FAT4: variants seen among roughly 807,000 people sequenced by gnomAD.
FAT4 encodes FAT atypical cadherin 4.
In FAT4, 84 loss-of-function variants were observed where a neutral mutation model predicts 303.9. The observed-to-expected ratio is 0.28, with a 90% CI of 0.23 to 0.33. The LOEUF is 0.33. FAT4 is among the 10% of genes least tolerant of loss of function. The pLI is 1.00. For synonymous variants in FAT4, 2,307 were observed against 2,298.8 expected (o/e 1.00, Z -0.10); for missense variants, 6,005 against 6,146.8 (o/e 0.98, Z 0.77).
At chr4:125,378,887 G>A (rs1004999992) in intron 2 of FAT4, among the ~76,000 whole-genome samples, 1 of 152,088 alleles carries the variant, frequency 6.6e-6, no homozygotes, top group Non-Finnish European at 1.5e-5. Context: ...AATTCCACTG[G>A]CTATGGAGTA....
rs186313518 is a variant in FAT4, at chr4:125,315,921, C to G, written c.-69C>G. ...CTCCCGGTTCCCCACCACCCCTTCC[C>G]CGGTGCGCAGTTGTGCTTGGACGTT... On this transcript the variant is annotated 5_prime_UTR_variant, in exon 1 of 18. Coordinates refer to ENST00000394329, the MANE Select transcript of FAT4 (RefSeq NM_001291303.3). Among the ~76,000 whole-genome samples, 1 of 152,278 alleles carries G rather than the reference C, an allele frequency of 6.6e-6. No homozygotes were observed. The highest frequency in any genetic ancestry group is 6.5e-5 in the Admixed American group (1 of 15,304).
intron 10 of FAT4, among the ~76,000 whole-genome samples, chr4:125,454,045 T>C (rs1490808241): frequency 6.6e-6 from 1 of 152,186 alleles, no homozygotes; most frequent in Non-Finnish European, 1.5e-5. Flanking sequence ...TCTTATAACT[T>C]GCACATTATA....
intron 2 of FAT4, among the ~76,000 whole-genome samples, chr4:125,334,479 C>T: frequency 6.6e-6 from 1 of 152,110 alleles, no homozygotes; most frequent in Non-Finnish European, 1.5e-5. Flanking sequence ...AAATTGCTTC[C>T]TATCAGGTGC....
chr4:125,492,523 C>A lies in FAT4; in HGVS notation c.*755C>A, dbSNP rs965785588. The A allele has an allele frequency of 7.2e-5, 11 of 152,168 alleles. 1 individual carries two copies. The highest frequency in any genetic ancestry group is 5.9e-4 in the Admixed American group (9 of 15,262). The allele number at this position is 152,168 out of a possible 1,614,324, so 9.4% of individuals were successfully genotyped here. A position where few individuals can be genotyped will look rare whatever the true frequency, so the allele number is the denominator to read the frequency against. On this transcript the variant is annotated 3_prime_UTR_variant, in exon 18 of 18. Transcript: ENST00000394329. ...TGTTCTCAGCAGCACTTCTAAGAAA[C>A]ACTCTTAAAAGTTATTTATTGAAAA...
At chr4:125,447,288 T>C (rs1198519633) in intron 9 of FAT4, among the ~76,000 whole-genome samples, 2 of 152,118 alleles carry the variant, frequency 1.3e-5, no homozygotes, top group Non-Finnish European at 2.9e-5. Context: ...TTAATCTTCC[T>C]TGCTCGGAAA....
chr4:125,318,698 A>G lies in FAT4; in HGVS notation c.2287A>G (p.Ile763Val), dbSNP rs774554680. 1.9e-5 allele frequency: 31 copies of G among 1,614,010 alleles called. No individual in the cohort carries two copies. The highest frequency in any genetic ancestry group is 2.5e-5 in the Non-Finnish European group (30 of 1,180,012). Residue 763 changes from isoleucine (I) to valine (V), a missense_variant, in exon 2 of 18, where the codon ATA becomes GTA. By Grantham distance (29) the Ile-to-Val change is conservative. Coordinates refer to ENST00000394329, the MANE Select transcript of FAT4 (RefSeq NM_001291303.3). ...AGAAAAAACAGCTTATCAGTTGCAA[A>G]TAGTAGCTACTGATGGTGGCAATTT... is the stretch of plus-strand genomic sequence containing the variant. ...REEKTAYQLQ[I>V]VATDGGNLQS...
intron 10 of FAT4, among the ~76,000 whole-genome samples, chr4:125,453,168 T>C (rs1309726603): frequency 2.0e-5 from 3 of 152,166 alleles, no homozygotes; most frequent in African/African-American, 7.2e-5. Context: ...TCGTAGCGTC[T>C]CTTACAAGAG....
chr4:125,354,056 T>C (rs898203164), intron 2 of FAT4, among the ~76,000 whole-genome samples: 2 of 151,716 alleles, frequency 1.3e-5, no homozygotes, highest in African/African-American at 4.8e-5. Context: ...TATGCTTTCT[T>C]AAAGGCAATA....
chr4:125,432,818 GATAT>G (rs34640347), intron 7 of FAT4, among the ~76,000 whole-genome samples: 149,815 of 151,626 alleles, frequency 0.99, 74,038 homozygotes, highest in East Asian at 1. Context: ...AATATCTTAT[GATAT>G]ATATATATAT....
intron 2 of FAT4, among the ~76,000 whole-genome samples, chr4:125,389,335 A>G (rs1158787508): frequency 1.3e-5 from 2 of 152,128 alleles, no homozygotes; most frequent in Non-Finnish European, 2.9e-5. Context: ...TATTACCATT[A>G]TATCATGTTT....
At chr4:125,378,372 A>G (rs1229637945) in intron 2 of FAT4, among the ~76,000 whole-genome samples, 2 of 152,112 alleles carry the variant, frequency 1.3e-5, no homozygotes, top group Non-Finnish European at 2.9e-5. Flanking sequence ...TATTTATTGG[A>G]TAAGTTAATG....
chr4:125,407,499 A>G (rs1734664375), intron 4 of FAT4, among the ~76,000 whole-genome samples: 1 of 152,106 alleles, frequency 6.6e-6, no homozygotes, highest in South Asian at 2.1e-4. Context: ...TACATGAAAA[A>G]CTGTGAATAT....
intron 2 of FAT4, among the ~76,000 whole-genome samples, chr4:125,348,829 T>G (rs1732105526): frequency 6.6e-6 from 1 of 151,846 alleles, no homozygotes; most frequent in Non-Finnish European, 1.5e-5. Flanking sequence ...AATTTATATT[T>G]TAGTGATCAC....
chr4:125,485,282 C>CTT (rs3034231), intron 16 of FAT4, among the ~76,000 whole-genome samples: 151,014 of 152,252 alleles, frequency 0.99, 74,907 homozygotes, highest in Middle Eastern at 1. Context: ...AGTTTATAAA[C>CTT]TTAAAATTTT....
rs373371874 is a variant in FAT4 at position 125,424,370 on chromosome 4, CT to C, written c.7018+7749del. On this transcript the variant is annotated intron_variant, in intron 7 of 17. Coordinates refer to ENST00000394329, the MANE Select transcript of FAT4 (RefSeq NM_001291303.3). ...CTTCACCCCACTTCACTCTGCACAT[CT>C]CATTTTTCTCTCTCCTGCTGCCTTG... Among the ~76,000 whole-genome samples the C allele has an allele frequency of 2.8e-4, 43 of 152,276 alleles. 1 individual carries two copies. The highest frequency in any genetic ancestry group is 9.9e-4 in the African/African-American group (41 of 41,558).
chr4:125,402,648 T>G (rs1045228313), intron 3 of FAT4, among the ~76,000 whole-genome samples: 5 of 152,012 alleles, frequency 3.3e-5, no homozygotes, highest in African/African-American at 1.2e-4. Context: ...TGCTTTAGAC[T>G]GTTAGAAATC....
At chr4:125,479,975 TA>T in intron 15 of FAT4, 110 bp downstream of exon 15, 1 of 808,118 alleles carries the variant, frequency 1.2e-6, no homozygotes, top group South Asian at 5.3e-5. Flanking sequence ...TTCTAAATAT[TA>T]AAATATTAAA....
intron 2 of FAT4, among the ~76,000 whole-genome samples, chr4:125,392,406 C>T (rs1178220216): frequency 6.6e-6 from 1 of 151,040 alleles, no homozygotes; most frequent in Non-Finnish European, 1.5e-5. Flanking sequence ...TGCCTTGATG[C>T]ATCAGGTGTT....
At chr4:125,383,092 G>A (rs1270105469) in intron 2 of FAT4, among the ~76,000 whole-genome samples, 1 of 152,088 alleles carries the variant, frequency 6.6e-6, no homozygotes, top group Non-Finnish European at 1.5e-5. Context: ...CTTATCTTTT[G>A]TGTGTTCTCT....
Sources: gnomAD v4.1 joint callset for allele counts (sites outside exome capture counted in the v4.1 genomes callset) on GRCh38, gnomAD v4.1.1 for gene constraint, MANE v1.5 for transcripts, NCBI Gene and HGNC (gene_info 2026-07-23, HGNC 2026-07-21) for gene names.